HOMEZ: variants seen among roughly 807,000 people sequenced by gnomAD.
The protein encoded by HOMEZ is homeobox and leucine zipper protein Homez.
Under a neutral mutation model 50.1 loss-of-function variants are expected in HOMEZ, and 20 were observed. The observed-to-expected ratio is 0.40, with a 90% CI of 0.28 to 0.58. The LOEUF is 0.58. Among genes scored for constraint, HOMEZ ranks in the 20% least tolerant of loss-of-function variants. The pLI, the probability that HOMEZ is intolerant of heterozygous loss-of-function variation, is 0.46. For synonymous variants in HOMEZ, 239 were observed against 254.7 expected, an observed-to-expected ratio of 0.94 and a Z score of 0.59; for missense variants, 579 against 680.5, an observed-to-expected ratio of 0.85 and a Z score of 1.66.
intron 1 of HOMEZ, among the ~76,000 whole-genome samples, chr14:23,280,876 T>C (rs1034088972): frequency 4.0e-5 from 6 of 150,978 alleles, no homozygotes; most frequent in South Asian, 4.2e-4. Context: ...TGGGTTCAAG[T>C]GATTCCCTTG....
intron 1 of HOMEZ, among the ~76,000 whole-genome samples, chr14:23,277,453 GA>G (rs916113797): frequency 1.8e-4 from 27 of 152,066 alleles, no homozygotes; most frequent in African/African-American, 6.0e-4. Flanking sequence ...GTTGTTCCAA[GA>G]AAAAAATCTG....
intron 1 of HOMEZ, among the ~76,000 whole-genome samples, chr14:23,281,188 G>T (rs1886547950): frequency 6.6e-6 from 1 of 152,174 alleles, no homozygotes; most frequent in African/African-American, 2.4e-5. Flanking sequence ...AGAGCAATGT[G>T]ATCGCAGGGA....
Position 23,275,899 on chromosome 14 carries a change from G to A in HOMEZ, c.1329C>T (p.Arg443=), listed in dbSNP as rs1161612916. 2 of 1,603,146 alleles carry A rather than the reference G, an allele frequency of 1.2e-6. No homozygotes were observed. The highest frequency in any genetic ancestry group is 8.5e-7 in the Non-Finnish European group (1 of 1,174,178). ...PAIPTPPPST[R]SLNERAETPP... is the part of the protein sequence containing the mutation. ...GTGTCTCAGCCCTTTCGTTCAAGGAGCGGGTTGATGGTGGTGGTGTAGGAA... is the reference window on the plus strand; with the variant it reads ...GTGTCTCAGCCCTTTCGTTCAAGGAACGGGTTGATGGTGGTGGTGTAGGAA... The change falls in exon 2 of 2, where the codon CGC becomes CGT. Residue 443 remains arginine (R), a synonymous_variant. Coordinates refer to ENST00000357460, the MANE Select transcript of HOMEZ (RefSeq NM_020834.3).
rs1305675884 is a variant in HOMEZ at position 23,275,328 on chromosome 14, C to T, written c.*247G>A. ...TCCCAGCCCATGGTTTCCCCAGATC[C>T]TTAGCACTCCCTACCCTAAGGTTAG... is the stretch of plus-strand genomic sequence containing the variant. On this transcript the variant is annotated 3_prime_UTR_variant, in exon 2 of 2. Coordinates refer to ENST00000357460, the MANE Select transcript of HOMEZ (RefSeq NM_020834.3). The T allele has an allele frequency of 5.8e-6, 3 of 519,778 alleles. No homozygotes were observed. Among genetic ancestry groups the T allele is most frequent in the Non-Finnish European group, 1.0e-5 (3 of 298,050 alleles). The allele number at this position is 519,778 out of a possible 1,614,324, so 32.2% of individuals were successfully genotyped here.
In HOMEZ at chr14:23,275,627, TCC is replaced by T; in HGVS notation, c.1599_1600del (p.Glu534GlyfsTer5). On this transcript the variant is annotated frameshift_variant, in exon 2 of 2. Transcript: ENST00000357460. LOFTEE classifies it high-confidence loss of function. ...ATCATCATCATCATCTTCCTCCTCC[TCC>T]TCCTCCTCTTCCTCATCATCTTCTG... 1.3e-6 allele frequency: 2 copies of T among 1,554,702 alleles called. No individual in the cohort carries two copies.
rs1243430011 is a variant in HOMEZ at position 23,280,703 on chromosome 14, AT to A, written c.41-3517del. 3.6e-3 allele frequency among the ~76,000 whole-genome samples: 224 copies of A among 61,506 alleles called. 6 individuals carry two copies. The highest frequency in any genetic ancestry group is 8.2e-3 in the Middle Eastern group (1 of 122). 40.4% of individuals were successfully genotyped at this position (61,506 alleles called of 152,430 possible). On this transcript the variant is annotated intron_variant, in intron 1 of 1. Coordinates refer to ENST00000357460, the MANE Select transcript of HOMEZ (RefSeq NM_020834.3). ...TGTTATATTTTATTTTTATTTTTATATTTTTATTTTTATTTTATTTTATTTT... is the reference window on the plus strand; with the variant it reads ...TGTTATATTTTATTTTTATTTTTATATTTTATTTTTATTTTATTTTATTTT...
chr14:23,278,912 G>A (rs1405990934), intron 1 of HOMEZ, among the ~76,000 whole-genome samples: 1 of 152,120 alleles, frequency 6.6e-6, no homozygotes, highest in African/African-American at 2.4e-5. Context: ...CTGACCTCAA[G>A]TGATCCACCG....
Position 23,275,487 on chromosome 14 carries a change from T to A in HOMEZ, c.*88A>T. The A allele has an allele frequency of 6.9e-7, 1 of 1,455,572 alleles. No individual in the cohort carries two copies. The highest frequency in any genetic ancestry group is 1.4e-5 in the African/African-American group (1 of 69,944). 90.2% of individuals were successfully genotyped at this position (1,455,572 alleles called of 1,614,324 possible). On this transcript the variant is annotated 3_prime_UTR_variant, in exon 2 of 2. Transcript: ENST00000357460. ...AGCTTTTTAGTTCTCTGCCACAAGG[T>A]AATTTTAAAAATGTGGTTTCTTTGT...
At chr14:23,279,863 G>A (rs1326241900) in intron 1 of HOMEZ, among the ~76,000 whole-genome samples, 1 of 152,114 alleles carries the variant, frequency 6.6e-6, no homozygotes, top group Non-Finnish European at 1.5e-5. Flanking sequence ...ATGCACTACA[G>A]CCTCGAATTC....
chr14:23,273,026 C>T lies in HOMEZ; in HGVS notation c.*2549G>A. 2 of 552,438 alleles carry T rather than the reference C, an allele frequency of 3.6e-6. No homozygotes were observed. Among genetic ancestry groups the T allele is most frequent in the South Asian group, 2.4e-5 (1 of 41,878 alleles). The allele number at this position is 552,438 out of a possible 1,614,324, so 34.2% of individuals were successfully genotyped here. On this transcript the variant is annotated 3_prime_UTR_variant, in exon 2 of 2. Transcript: ENST00000357460. ...TTCACTCTGTACCTTATGCTCCCCC[C>T]ATCTTTACCCTATTCACCCTTATCA... is the stretch of plus-strand genomic sequence containing the variant.
chr14:23,274,579 T>C lies in HOMEZ; in HGVS notation c.*996A>G, dbSNP rs979069995. On this transcript the variant is annotated 3_prime_UTR_variant, in exon 2 of 2. Coordinates refer to ENST00000357460, the MANE Select transcript of HOMEZ (RefSeq NM_020834.3). ...GAACAGAGTGAGGATTTTGGAAAGA[T>C]AGAAAAAGCTACAAGGCAAAGTGGT... The C allele has an allele frequency of 9.2e-5, 14 of 152,490 alleles. No homozygotes were observed. The highest frequency in any genetic ancestry group is 3.4e-4 in the African/African-American group (14 of 41,394). 9.4% of individuals were successfully genotyped at this position (152,490 alleles called of 1,614,324 possible).
chr14:23,285,305 G>A (rs1594967390), intron 1 of HOMEZ: 1 of 152,036 alleles, frequency 6.6e-6, no homozygotes, highest in East Asian at 1.9e-4. Context: ...ACAGGTCTCA[G>A]CTTGAGTCTT....
At position 23,276,155 on chromosome 14, in the gene HOMEZ, C is replaced by A; in HGVS notation, c.1073G>T (p.Arg358Leu). 6.2e-7 allele frequency: 1 copy of A among 1,613,822 alleles called. No homozygotes were observed. Among genetic ancestry groups the A allele is most frequent in the Non-Finnish European group, 8.5e-7 (1 of 1,179,800 alleles). The change falls in exon 2 of 2, where the codon CGA becomes CTA. Residue 358 changes from arginine to leucine, a missense_variant. Coordinates refer to ENST00000357460, the MANE Select transcript of HOMEZ (RefSeq NM_020834.3). The surrounding 1 kb of genome is among the most constrained non-coding windows in gnomAD (Gnocchi z 4.1). Reference sequence around the variant, plus strand: ...CTCTTTGGTTTTGCGCTTGGTCTTTCGCTGGCGTTGCATATCTGGGGAAAG... The same window carrying A: ...CTCTTTGGTTTTGCGCTTGGTCTTTAGCTGGCGTTGCATATCTGGGGAAAG... ...EYLSPDMQRQ[R>L]KTKRKTKEQL... is the part of the protein sequence containing the mutation.
Position 23,276,403 on chromosome 14 carries a change from C to T in HOMEZ, c.825G>A (p.Glu275=), listed in dbSNP as rs779427045. The part of the protein sequence containing the change: ...PIALIASSCK[E]ESASSVTPSS... ...AGGGAGTAACACTAGATGCTGACTC[C>T]TCCTTACAACTACTGGCAATTAATG... The change falls in exon 2 of 2, where the codon GAG becomes GAA. Residue 275 remains glutamate (E), a synonymous_variant. Coordinates refer to ENST00000357460, the MANE Select transcript of HOMEZ (RefSeq NM_020834.3). This position sits in a 1 kb window ranked among gnomAD's most constrained non-coding sequence, Gnocchi z 4.1. 7 of 1,614,028 alleles carry T rather than the reference C, an allele frequency of 4.3e-6. No individual in the cohort carries two copies. In the South Asian group the frequency reaches 7.7e-5, roughly 18 times the overall value.
chr14:23,276,651 G>C lies in HOMEZ; in HGVS notation c.577C>G (p.Pro193Ala). The change falls in exon 2 of 2, where the codon CCA becomes GCA. Residue 193 changes from proline to alanine, a missense_variant. Physicochemically the swap from Pro to Ala is conservative, Grantham distance 27. Transcript: ENST00000357460. The surrounding 1 kb of genome is among the most constrained non-coding windows in gnomAD (Gnocchi z 4.1). Reference protein sequence around the residue: ...VEPEEPSQMPPLPQSHQKLKE... With the variant: ...VEPEEPSQMPALPQSHQKLKE... ...AATTTCTGGTGACTCTGTGGCAGTG[G>C]TGGCATCTGAGAGGGCTCCTCAGGC... 1 of 1,614,042 alleles carries C rather than the reference G, an allele frequency of 6.2e-7. No individual in the cohort carries two copies. Among genetic ancestry groups the C allele is most frequent in the Non-Finnish European group, 8.5e-7 (1 of 1,179,906 alleles).
intron 1 of HOMEZ, among the ~76,000 whole-genome samples, chr14:23,280,043 C>G (rs188136009): frequency 1.3e-5 from 2 of 152,138 alleles, no homozygotes; most frequent in Admixed American, 1.3e-4. Context: ...TAGGACAGCA[C>G]TGTCCTCTGC....
At chr14:23,285,218 G>C (rs1445102259) in intron 1 of HOMEZ, 1 of 151,678 alleles carries the variant, frequency 6.6e-6, no homozygotes, top group Non-Finnish European at 1.5e-5. Context: ...ATATAAAAGG[G>C]CTTCAAGTGT....
chr14:23,274,300 AT>A lies in HOMEZ; in HGVS notation c.*1274del, dbSNP rs1233194298. On this transcript the variant is annotated 3_prime_UTR_variant, in exon 2 of 2. Transcript: ENST00000357460. ...CAAATTGACAGCAAAAAGATGAAAA[AT>A]TAGTCTCTGTCAAGCTGGACAGGAG... 6 of 152,598 alleles carry A rather than the reference AT, an allele frequency of 3.9e-5. No individual in the cohort carries two copies. Among genetic ancestry groups the A allele is most frequent in the Admixed American group, 3.3e-4 (5 of 15,292 alleles). 9.5% of individuals were successfully genotyped at this position (152,598 alleles called of 1,614,324 possible). A position where few individuals can be genotyped will look rare whatever the true frequency, so the allele number is the denominator to read the frequency against.
intron 1 of HOMEZ, among the ~76,000 whole-genome samples, chr14:23,280,735 ATTTTAT>A (rs1886513885): frequency 1.3e-5 from 1 of 78,718 alleles, no homozygotes; most frequent in Non-Finnish European, 2.5e-5. Flanking sequence ...ATTTTATTTT[ATTTTAT>A]TATTTTATTT....
Sources: gnomAD v4.1 joint callset for allele counts (sites outside exome capture counted in the v4.1 genomes callset) on GRCh38, gnomAD v4.1.1 for gene constraint, Gnocchi (gnomAD v3.1) non-coding constraint, MANE v1.5 for transcripts, NCBI Gene and HGNC (gene_info 2026-07-23, HGNC 2026-07-21) for gene names.